Variants in PCDHA11 observed in about 807,000 individuals in gnomAD.
The protein encoded by PCDHA11 is protocadherin alpha-11.
PCDHA11 carries 61 observed loss-of-function variants against 70.3 expected under a neutral mutation model. That is an observed-to-expected ratio of 0.87 (90% CI 0.71 to 1.07). The LOEUF (loss-of-function observed/expected upper bound fraction) is 1.07. PCDHA11 is among the 50% of genes least tolerant of loss of function. The pLI is 0.00. For synonymous variants in PCDHA11, 633 were observed against 555.1 expected (o/e 1.14, Z -1.97); for missense variants, 1,324 against 1,237.5 (o/e 1.07, Z -1.05).
At chr5:140,987,211 C>T (rs1190567678) in intron 3 of PCDHA11, among the ~76,000 whole-genome samples, 2 of 145,072 alleles carry the variant, frequency 1.4e-5, no homozygotes, top group Non-Finnish European at 3.0e-5. Flanking sequence ...GAGACTCCAT[C>T]TCAAAAAAAA....
intron 1 of PCDHA11, among the ~76,000 whole-genome samples, chr5:140,872,243 T>A (rs1484959006): frequency 6.6e-6 from 1 of 152,192 alleles, no homozygotes; most frequent in African/African-American, 2.4e-5. Flanking sequence ...TCTTTATTCC[T>A]GTGATAATAC....
chr5:140,999,797 T>C (rs2097876830), intron 3 of PCDHA11, among the ~76,000 whole-genome samples: 1 of 152,202 alleles, frequency 6.6e-6, no homozygotes, highest in African/African-American at 2.4e-5. Context: ...CAGAGTTATT[T>C]TGGGCACAAA....
At chr5:140,955,065 T>C (rs1258214145) in intron 1 of PCDHA11, among the ~76,000 whole-genome samples, 8 of 152,214 alleles carry the variant, frequency 5.3e-5, no homozygotes, top group Admixed American at 3.3e-4. Context: ...GTCAGGTTTG[T>C]TGAAGATCAG....
At position 140,871,169 on chromosome 5, in the gene PCDHA11, A is replaced by AG; in HGVS notation, c.2068dup (p.Ala690GlyfsTer39). 6.2e-7 allele frequency: 1 copy of AG among 1,613,520 alleles called. No homozygotes were observed. The highest frequency in any genetic ancestry group is 8.5e-7 in the Non-Finnish European group (1 of 1,179,936). On this transcript the variant is annotated frameshift_variant, in exon 1 of 4. Transcript: ENST00000398640. LOFTEE classifies it high-confidence loss of function. ...ACTTTGGCGGGCGCCGCGAGCCCAG[A>AG]GGCTGCGCTGGTGGATGTCAACGTG...
At chr5:140,999,713 G>A (rs533034174) in intron 3 of PCDHA11, among the ~76,000 whole-genome samples, 2 of 152,226 alleles carry the variant, frequency 1.3e-5, no homozygotes, top group South Asian at 4.2e-4. Flanking sequence ...AGCTAACTAC[G>A]GAGACCAGCC....
intron 1 of PCDHA11, among the ~76,000 whole-genome samples, chr5:140,943,822 A>T (rs2093570990): frequency 6.6e-6 from 1 of 152,220 alleles, no homozygotes; most frequent in Non-Finnish European, 1.5e-5. Context: ...GAAGAAAATG[A>T]GTTGATTGAA....
At position 140,982,568 on chromosome 5, in the gene PCDHA11, A is replaced by G. The variant is rs1158399397; in HGVS notation, c.2539+5A>G. 6.2e-7 allele frequency: 1 copy of G among 1,613,890 alleles called. No individual in the cohort carries two copies. The highest frequency in any genetic ancestry group is 8.5e-7 in the Non-Finnish European group (1 of 1,179,906). On this transcript the variant is annotated splice_donor_5th_base_variant and intron_variant, in intron 3 of 3. Coordinates refer to ENST00000398640, the MANE Select transcript of PCDHA11 (RefSeq NM_018902.5). ...CAGTATCCAGTGCAACACCAGGTAA[A>G]GAGCTGGGGTCTCTCCATTCTTTCT...
Position 140,870,938 on chromosome 5 carries a change from C to G in PCDHA11, c.1835C>G (p.Pro612Arg). Residue 612 changes from proline to arginine, a missense_variant, in exon 1 of 4, where the codon CCG (proline) becomes CGG (arginine). Coordinates refer to ENST00000398640, the MANE Select transcript of PCDHA11 (RefSeq NM_018902.5). Reference sequence around the variant, plus strand: ...GCGTGGCTTTCATATGAATTGCAGCCGGCGGCGGGCGGCTCGCGCATCCCG... The same window carrying G: ...GCGTGGCTTTCATATGAATTGCAGCGGGCGGCGGGCGGCTCGCGCATCCCG... Reference protein sequence around the residue: ...YNAWLSYELQPAAGGSRIPFR... With the variant: ...YNAWLSYELQRAAGGSRIPFR... 6.2e-7 allele frequency: 1 copy of G among 1,613,724 alleles called. No individual in the cohort carries two copies. The highest frequency in any genetic ancestry group is 8.5e-7 in the Non-Finnish European group (1 of 1,179,892).
intron 1 of PCDHA11, among the ~76,000 whole-genome samples, chr5:140,894,631 A>G (rs1413513485): frequency 6.6e-6 from 1 of 151,582 alleles, no homozygotes; most frequent in Non-Finnish European, 1.5e-5. Flanking sequence ...TTCTCCAATC[A>G]TATCATTACT....
intron 1 of PCDHA11, among the ~76,000 whole-genome samples, chr5:140,911,635 G>A (rs906127782): frequency 2.0e-5 from 3 of 152,148 alleles, no homozygotes; most frequent in African/African-American, 7.2e-5. Flanking sequence ...ATGGTCAAAG[G>A]TATTACATAT....
At chr5:140,917,137 C>A (rs868951388) in intron 1 of PCDHA11, among the ~76,000 whole-genome samples, 4 of 152,208 alleles carry the variant, frequency 2.6e-5, no homozygotes, top group African/African-American at 4.8e-5. Context: ...CCACGTTGCT[C>A]AGCTGCTGCT....
intron 1 of PCDHA11, among the ~76,000 whole-genome samples, chr5:140,903,637 A>G (rs1290449623): frequency 1.3e-5 from 2 of 152,240 alleles, no homozygotes; most frequent in Non-Finnish European, 1.5e-5. Flanking sequence ...GTATGCATAT[A>G]CCATATACAT....
In PCDHA11 at chr5:140,869,937, A is replaced by C. The variant is rs782444890; in HGVS notation, c.834A>C (p.Thr278=). ...ACGAAGGAGTCAATGGAGAGGTAACATACTCCTTAATGTCAATTAAGCCCA... is the reference window on the plus strand; with the variant it reads ...ACGAAGGAGTCAATGGAGAGGTAACCTACTCCTTAATGTCAATTAAGCCCA... ...DRDEGVNGEV[T]YSLMSIKPNG... is the part of the protein sequence containing the mutation. Residue 278 remains threonine (T), a synonymous_variant, in exon 1 of 4, where the codon ACA becomes ACC. Transcript: ENST00000398640. 6.2e-7 allele frequency: 1 copy of C among 1,612,006 alleles called. No individual in the cohort carries two copies. The highest frequency in any genetic ancestry group is 8.5e-7 in the Non-Finnish European group (1 of 1,179,000).
rs2051826884 is a variant in PCDHA11, at chr5:140,870,271, C to T, written c.1168C>T (p.Pro390Ser). Residue 390 changes from proline (P) to serine (S), a missense_variant, in exon 1 of 4, where the codon CCC becomes TCC. By Grantham distance (74) the Pro-to-Ser change is moderately conservative. Coordinates refer to ENST00000398640, the MANE Select transcript of PCDHA11 (RefSeq NM_018902.5). ...VNGQVTCSLTPHVPFKLVSTF... is the reference protein window; with the variant it reads ...VNGQVTCSLTSHVPFKLVSTF... The stretch of plus-strand genomic sequence containing the variant: ...CGGACAGGTGACCTGCTCGCTGACG[C>T]CCCACGTTCCCTTCAAGCTGGTGTC... The T allele has an allele frequency of 6.2e-7, 1 of 1,614,176 alleles. No homozygotes were observed. Among genetic ancestry groups the T allele is most frequent in the Non-Finnish European group, 8.5e-7 (1 of 1,180,026 alleles).
At chr5:140,941,334 T>C (rs1398027134) in intron 1 of PCDHA11, among the ~76,000 whole-genome samples, 2 of 133,354 alleles carry the variant, frequency 1.5e-5, no homozygotes, top group African/African-American at 5.5e-5. Flanking sequence ...TTTTTTTTTT[T>C]CAGATGGAGT....
At chr5:141,009,257 C>T (rs1375950001) in intron 3 of PCDHA11, among the ~76,000 whole-genome samples, 1 of 152,136 alleles carries the variant, frequency 6.6e-6, no homozygotes, top group East Asian at 1.9e-4. Flanking sequence ...GTGTTTGAGA[C>T]CAGCCTGGGC....
rs1554165693 is a variant in PCDHA11 at position 140,871,513 on chromosome 5, C to T, written c.2391+19C>T. 6.4e-7 allele frequency: 1 copy of T among 1,574,300 alleles called. No homozygotes were observed. Among genetic ancestry groups the T allele is most frequent in the South Asian group, 1.2e-5 (1 of 86,632 alleles). On this transcript the variant is annotated intron_variant, in intron 1 of 3. Transcript: ENST00000398640. Reference sequence around the variant, plus strand: ...CGGACAGGTGAGTTTTCTACAGATTCCACCTATCAGGAAGTGTATGTGAAA... The same window carrying T: ...CGGACAGGTGAGTTTTCTACAGATTTCACCTATCAGGAAGTGTATGTGAAA...
chr5:140,878,622 T>A (rs1163171601), intron 1 of PCDHA11, among the ~76,000 whole-genome samples: 1 of 152,244 alleles, frequency 6.6e-6, no homozygotes, highest in African/African-American at 2.4e-5. Flanking sequence ...GCATTTTACA[T>A]ATTTTAACTT....
chr5:140,989,373 C>G (rs1189877807), intron 3 of PCDHA11, among the ~76,000 whole-genome samples: 1 of 152,088 alleles, frequency 6.6e-6, no homozygotes, highest in Non-Finnish European at 1.5e-5. Flanking sequence ...TGACTGAGAG[C>G]TTTGTGGGAA....
Sources: gnomAD v4.1 joint callset for allele counts (sites outside exome capture counted in the v4.1 genomes callset) on GRCh38, gnomAD v4.1.1 for gene constraint, MANE v1.5 for transcripts, NCBI Gene and HGNC (gene_info 2026-07-23, HGNC 2026-07-21) for gene names.